The following PPM1F variants were observed in gnomAD, a reference collection of about 807,000 sequenced individuals.
PPM1F encodes protein phosphatase, Mg2+/Mn2+ dependent 1F, also known as protein phosphatase 1F.
A neutral mutation model predicts 35.5 loss-of-function variants in PPM1F; 17 were observed. The observed-to-expected ratio is 0.48, with a 90% confidence interval of 0.33 to 0.72. The LOEUF is 0.72. PPM1F is among the 30% of genes least tolerant of loss of function. The probability of loss-of-function intolerance (pLI) is 0.02; values close to 1 mark genes in which losing one functional copy is unlikely to be tolerated. For synonymous variants in PPM1F, 241 were observed against 255.5 expected (o/e 0.94, Z 0.54); for missense variants, 521 against 613.0 (o/e 0.85, Z 1.59).
Position 21,939,657 on chromosome 22 carries a change from G to C in PPM1F, c.230C>G (p.Ala77Gly). Residue 77 changes from alanine to glycine, a missense_variant, in exon 3 of 8, where the codon GCT (alanine) becomes GGT (glycine). Ala to Gly is a moderately conservative substitution (Grantham distance 60, BLOSUM62 0). Transcript: ENST00000263212. The surrounding 1 kb of genome is among the most constrained non-coding windows in gnomAD (Gnocchi z 5.1). ...GSRKAPPPLAAALAHEAVSQL... is the reference protein window; with the variant it reads ...GSRKAPPPLAGALAHEAVSQL... ...TGAAACTGCTTCGTGGGCCAGAGCA[G>C]CAGCAAGTGGTGGCGGGGCCTTCCT... The C allele has an allele frequency of 1.3e-6, 2 of 1,554,092 alleles. No individual in the cohort carries two copies. Among genetic ancestry groups the C allele is most frequent in the Non-Finnish European group, 1.7e-6 (2 of 1,147,966 alleles).
chr22:21,939,423 A>C lies in PPM1F; in HGVS notation c.355+109T>G. On this transcript the variant is annotated intron_variant, in intron 3 of 7. Transcript: ENST00000263212. This position sits in a 1 kb window ranked among gnomAD's most constrained non-coding sequence, Gnocchi z 5.1. The stretch of plus-strand genomic sequence containing the variant: ...CTTGATTCTGCTGCCGTTGTGAGCG[A>C]GGGCCCCAGCACCCTTAGGGACCCC... The C allele has an allele frequency of 7.1e-7, 1 of 1,414,236 alleles. No homozygotes were observed. Among genetic ancestry groups the C allele is most frequent in the East Asian group, 2.3e-5 (1 of 43,240 alleles). 87.6% of individuals were successfully genotyped at this position (1,414,236 alleles called of 1,614,324 possible). A position where few individuals can be genotyped will look rare whatever the true frequency, so the allele number is the denominator to read the frequency against.
intron 5 of PPM1F, 102 bp from the exon 6 acceptor site, chr22:21,931,393 A>G: frequency 3.3e-6 from 4 of 1,195,416 alleles, no homozygotes; most frequent in Non-Finnish European, 4.7e-6. Context: ...TACTTCCGTT[A>G]CTGTGGTGAG....
intron 6 of PPM1F, among the ~76,000 whole-genome samples, chr22:21,928,022 T>C (rs1342571547): frequency 7.7e-6 from 1 of 129,280 alleles, no homozygotes; most frequent in African/African-American, 2.9e-5. Context: ...GTCATGAACA[T>C]AGCTCACTGC....
intron 3 of PPM1F, chr22:21,937,145 G>C (rs1443490447): frequency 6.6e-6 from 1 of 152,310 alleles, no homozygotes; most frequent in Non-Finnish European, 1.5e-5. Flanking sequence ...GGCAGGAGTT[G>C]AGTGTCACAG....
Position 21,939,380 on chromosome 22 carries a change from C to T in PPM1F, c.355+152G>A, listed in dbSNP as rs916859773. ...CCGCCACCCTCCACCTCACTGGGGC[C>T]GCAAGCCTTCTCTGCTCCTTGATTC... is the stretch of plus-strand genomic sequence containing the variant. On this transcript the variant is annotated intron_variant, in intron 3 of 7. Coordinates refer to ENST00000263212, the MANE Select transcript of PPM1F (RefSeq NM_014634.4). This position sits in a 1 kb window ranked among gnomAD's most constrained non-coding sequence, Gnocchi z 5.1. The T allele has an allele frequency of 1.4e-5, 14 of 1,036,048 alleles. 1 individual carries two copies. The South Asian group carries it at 1.5e-4, about 11-fold the overall frequency. 64.2% of individuals were successfully genotyped at this position (1,036,048 alleles called of 1,614,324 possible).
intron 4 of PPM1F, 140 bp from the exon 5 acceptor site, chr22:21,933,719 G>C (rs977359870): frequency 3.7e-6 from 3 of 801,572 alleles, no homozygotes; most frequent in Non-Finnish European, 5.8e-6. Context: ...GAGGGGGTAG[G>C]TTTGGAAAAG....
At chr22:21,931,401 GA>G in intron 5 of PPM1F, 110 bp from the exon 6 acceptor site, 1 of 1,113,020 alleles carries the variant, frequency 9.0e-7, no homozygotes, top group South Asian at 1.5e-5. Context: ...TTACTGTGGT[GA>G]GGAATCCACA....
chr22:21,927,942 G>GAT (rs2070537134), intron 6 of PPM1F, among the ~76,000 whole-genome samples: 1 of 75,126 alleles, frequency 1.3e-5, no homozygotes, highest in Admixed American at 1.8e-4. Flanking sequence ...TTTTTGTTTT[G>GAT]TTTTTTTTTT....
At chr22:21,923,676 C>T (rs1226045622) in intron 7 of PPM1F, among the ~76,000 whole-genome samples, 1 of 150,814 alleles carries the variant, frequency 6.6e-6, no homozygotes, top group African/African-American at 2.4e-5. Flanking sequence ...CCTGTGAGCT[C>T]CCCCTTTTTT....
chr22:21,933,284 T>C, intron 5 of PPM1F, 107 bp downstream of exon 5: 5 of 1,066,678 alleles, frequency 4.7e-6, no homozygotes, highest in Non-Finnish European at 5.3e-6. Context: ...CAGTGTTTAG[T>C]GAGGACCTTC....
intron 3 of PPM1F, chr22:21,936,321 C>A (rs1367973107): frequency 6.6e-6 from 1 of 150,830 alleles, no homozygotes; most frequent in African/African-American, 2.4e-5. Flanking sequence ...AAAAAAAAGG[C>A]GGGAACAGCA....
intron 7 of PPM1F, among the ~76,000 whole-genome samples, chr22:21,924,044 CCAGAGACACAAG>C: frequency 6.6e-6 from 1 of 152,064 alleles, no homozygotes; most frequent in East Asian, 1.9e-4. Flanking sequence ...CCTGGAGTGT[CCAGAGACACAAG>C]GAAAGACACA....
rs1002915447 is a variant in PPM1F at position 21,925,448 on chromosome 22, G to A, written c.985+121C>T. 6.5e-6 allele frequency: 5 copies of A among 774,390 alleles called. No homozygotes were observed. In the African/African-American group the frequency reaches 8.6e-5, roughly 13 times the overall value. The allele number at this position is 774,390 out of a possible 1,614,324, so 48.0% of individuals were successfully genotyped here. A position where few individuals can be genotyped will look rare whatever the true frequency, so the allele number is the denominator to read the frequency against. On this transcript the variant is annotated intron_variant, in intron 7 of 7. Coordinates refer to ENST00000263212, the MANE Select transcript of PPM1F (RefSeq NM_014634.4). Reference sequence around the variant, plus strand: ...CTACGAGGGTATCACCCCAGTGCATGACAAATCCCCCTCGGCCCATCACAC... The same window carrying A: ...CTACGAGGGTATCACCCCAGTGCATAACAAATCCCCCTCGGCCCATCACAC...
Position 21,938,205 on chromosome 22 carries a change from G to A in PPM1F, c.355+1327C>T, listed in dbSNP as rs1448860950. 3 of 1,303,218 alleles carry A rather than the reference G, an allele frequency of 2.3e-6. No individual in the cohort carries two copies. The Admixed American group carries it at 6.9e-5, about 30-fold the overall frequency. The allele number at this position is 1,303,218 out of a possible 1,614,324, so 80.7% of individuals were successfully genotyped here. On this transcript the variant is annotated intron_variant, in intron 3 of 7. Transcript: ENST00000263212. ...CGGCGCAGCAACGCTCCTTCTCACC[G>A]GCAGGTGGCGCTGTCTCCCGCGTGG...
chr22:21,936,089 AG>A (rs1163164882), intron 3 of PPM1F: 1 of 152,168 alleles, frequency 6.6e-6, no homozygotes, highest in African/African-American at 2.4e-5. Flanking sequence ...GGATCCCTTG[AG>A]CCAAGGACGT....
Position 21,945,913 on chromosome 22 carries a change from C to A in PPM1F, c.136G>T (p.Gly46Trp), listed in dbSNP as rs145130250. Residue 46 changes from glycine to tryptophan, a missense_variant, in exon 2 of 8, where the codon GGG becomes TGG. Gly to Trp is a radical substitution (Grantham distance 184). Around this residue, in one of 3 missense-constraint regions of PPM1F, gnomAD observed 311 missense variants for 351.5 expected, o/e 0.88. Transcript: ENST00000263212. Reference sequence around the variant, plus strand: ...ACCTCCTCCTGGCTGAGCACCGTCCCTGGGGCCTTCCATGGCAGAGGGTCC... The same window carrying A: ...ACCTCCTCCTGGCTGAGCACCGTCCATGGGGCCTTCCATGGCAGAGGGTCC... ...PEDPLPWKAP[G>W]TVLSQEEVEG... 1.3e-5 allele frequency: 21 copies of A among 1,613,062 alleles called. No homozygotes were observed. Among genetic ancestry groups the A allele is most frequent in the Non-Finnish European group, 1.7e-5 (20 of 1,179,698 alleles).
rs1274306368 is a variant in PPM1F at position 21,921,848 on chromosome 22, C to T, written c.*1244G>A. On this transcript the variant is annotated 3_prime_UTR_variant, in exon 8 of 8. Coordinates refer to ENST00000263212, the MANE Select transcript of PPM1F (RefSeq NM_014634.4). ...GCAGCAAGGTCCCTCTGCCTGGGAT[C>T]CAGCCAGGCCCAAGGGGGTGGGAAT... The T allele has an allele frequency of 6.6e-6, 1 of 152,258 alleles. No homozygotes were observed. The highest frequency in any genetic ancestry group is 1.5e-5 in the Non-Finnish European group (1 of 68,052). 9.4% of individuals were successfully genotyped at this position (152,258 alleles called of 1,614,324 possible).
chr22:21,938,536 C>T (rs370256264), intron 3 of PPM1F: 3 of 1,067,554 alleles, frequency 2.8e-6, no homozygotes, highest in Non-Finnish European at 3.4e-6. Flanking sequence ...TGTTCCTTTT[C>T]CCCGGATGCA....
chr22:21,925,582 G>A lies in PPM1F; in HGVS notation c.972C>T (p.Val324=), dbSNP rs1241542816. The A allele has an allele frequency of 1.2e-6, 2 of 1,613,854 alleles. No homozygotes were observed. The highest frequency in any genetic ancestry group is 1.7e-6 in the Non-Finnish European group (2 of 1,179,820). ...TTTGGCTCTCACCGATGGCTCTGGA[G>A]ACGGCCAGGGTCCCGTTGACTCTCC... ...DCWRVNGTLA[V]SRAIGDVFQK... Residue 324 remains valine (V), a synonymous_variant, in exon 7 of 8, where the codon GTC becomes GTT. Transcript: ENST00000263212.
Sources: gnomAD v4.1 joint callset for allele counts (sites outside exome capture counted in the v4.1 genomes callset) on GRCh38, gnomAD v4.1.1 for gene constraint, gnomAD v4.1.1 regional missense constraint, Gnocchi (gnomAD v3.1) non-coding constraint, MANE v1.5 for transcripts, NCBI Gene and HGNC (gene_info 2026-07-23, HGNC 2026-07-21) for gene names.